The following SORL1 variants were observed in gnomAD, a reference collection of about 807,000 sequenced individuals.
The protein encoded by SORL1 is sortilin-related receptor.
SORL1 carries 127 observed loss-of-function variants against 273.7 expected under a neutral mutation model. That is an observed-to-expected ratio of 0.46 (90% CI 0.40 to 0.54). The LOEUF is 0.54. SORL1 is among the 20% of genes least tolerant of loss of function. The pLI, the probability that SORL1 is intolerant of heterozygous loss-of-function variation, is 0.00. For missense variants in SORL1, 2,494 were observed against 2,846.1 expected, an observed-to-expected ratio of 0.88 and a Z score of 2.81; for synonymous variants, 1,031 against 1,067.4, an observed-to-expected ratio of 0.97 and a Z score of 0.66.
chr11:121,595,864 CCT>C lies in SORL1; in HGVS notation c.4519+93_4519+94del. 2 of 1,388,374 alleles carry C rather than the reference CCT, an allele frequency of 1.4e-6. No homozygotes were observed. The highest frequency in any genetic ancestry group is 2.0e-6 in the Non-Finnish European group (2 of 1,014,040). 86.0% of individuals were successfully genotyped at this position (1,388,374 alleles called of 1,614,324 possible). On this transcript the variant is annotated intron_variant, in intron 32 of 47. Transcript: ENST00000260197. This position sits in a 1 kb window ranked among gnomAD's most constrained non-coding sequence, Gnocchi z 5.1. ...TGCTTCATTTCTGGATCAGCACACG[CCT>C]GTGTGTGAGTCTGTGTACTTGCGTA...
intron 28 of SORL1, among the ~76,000 whole-genome samples, chr11:121,588,497 C>T (rs888894473): frequency 3.3e-5 from 5 of 152,140 alleles, no homozygotes; most frequent in African/African-American, 1.2e-4. Flanking sequence ...GCACTCCCAG[C>T]GTGCCGTAGC....
At position 121,584,689 on chromosome 11, in the gene SORL1, G is replaced by A. The variant is rs138186162; in HGVS notation, c.3706+1106G>A. On this transcript the variant is annotated intron_variant, in intron 26 of 47. Transcript: ENST00000260197. ...TCACTGCAGCTTTGACCTCCTGGGCGCAAGGCATCTTCCTACTTCAGCCTC... is the reference window on the plus strand; with the variant it reads ...TCACTGCAGCTTTGACCTCCTGGGCACAAGGCATCTTCCTACTTCAGCCTC... Among the ~76,000 whole-genome samples the A allele has an allele frequency of 6.6e-5, 10 of 152,022 alleles. No homozygotes were observed. In the East Asian group the frequency reaches 1.2e-3, roughly 18 times the overall value.
Position 121,630,290 on chromosome 11 carries a change from T to C in SORL1, c.*727T>C, listed in dbSNP as rs1291078935. The C allele has an allele frequency of 6.6e-6, 1 of 152,214 alleles. No individual in the cohort carries two copies. Among genetic ancestry groups the C allele is most frequent in the Non-Finnish European group, 1.5e-5 (1 of 68,048 alleles). 9.4% of individuals were successfully genotyped at this position (152,214 alleles called of 1,614,324 possible). ...TGGGAAGCCCTGTAAGCCCACAGCTTCCTCTCTTATATTAATTGATGGAAT... is the reference window on the plus strand; with the variant it reads ...TGGGAAGCCCTGTAAGCCCACAGCTCCCTCTCTTATATTAATTGATGGAAT... On this transcript the variant is annotated 3_prime_UTR_variant, in exon 48 of 48. Coordinates refer to ENST00000260197, the MANE Select transcript of SORL1 (RefSeq NM_003105.6).
At chr11:121,619,070 C>T (rs961522048) in intron 42 of SORL1, among the ~76,000 whole-genome samples, 177 bp downstream of exon 42, 7 of 152,152 alleles carry the variant, frequency 4.6e-5, no homozygotes, top group South Asian at 2.1e-4. Flanking sequence ...ACAGAATGAA[C>T]GGCCACTTTC....
At chr11:121,505,258 T>A (rs956943079) in intron 6 of SORL1, among the ~76,000 whole-genome samples, 2 of 152,054 alleles carry the variant, frequency 1.3e-5, no homozygotes, top group South Asian at 4.1e-4. Context: ...TTCACACTAA[T>A]CTTTTTTTTA....
In SORL1 at chr11:121,563,483, C is replaced by T. The variant is rs951493041; in HGVS notation, c.3050-3457C>T. Among the ~76,000 whole-genome samples, 4 of 152,180 alleles carry T rather than the reference C, an allele frequency of 2.6e-5. No homozygotes were observed. The highest frequency in any genetic ancestry group is 4.4e-5 in the Non-Finnish European group (3 of 68,032). Reference sequence around the variant, plus strand: ...TGATCTTGGCTCACTGCAACCTCTGCCTCCTGGGTTCAAGCAATTCTCATG... The same window carrying T: ...TGATCTTGGCTCACTGCAACCTCTGTCTCCTGGGTTCAAGCAATTCTCATG... On this transcript the variant is annotated intron_variant, in intron 21 of 47. Coordinates refer to ENST00000260197, the MANE Select transcript of SORL1 (RefSeq NM_003105.6). The surrounding 1 kb of genome is among the most constrained non-coding windows in gnomAD (Gnocchi z 4.2).
rs1213669903 is a variant in SORL1 at position 121,558,728 on chromosome 11, A to T, written c.2801A>T (p.Tyr934Phe). 6.2e-7 allele frequency: 1 copy of T among 1,614,152 alleles called. No homozygotes were observed. The highest frequency in any genetic ancestry group is 8.5e-7 in the Non-Finnish European group (1 of 1,180,018). The change falls in exon 20 of 48, where the codon TAC becomes TTC. Residue 934 changes from tyrosine (Y) to phenylalanine (F), a missense_variant. Tyr to Phe is a conservative substitution (Grantham distance 22, BLOSUM62 3). Transcript: ENST00000260197. ...ATCTCTGTGGACGACCAGTGGATTT[A>T]CTGGACGGATGCCTACCTGGAGTGC... ...NGISVDDQWIYWTDAYLECIE... is the reference protein window; with the variant it reads ...NGISVDDQWIFWTDAYLECIE...
chr11:121,576,730 G>T (rs537607527), intron 24 of SORL1: 13 of 1,448,376 alleles, frequency 9.0e-6, no homozygotes, highest in African/African-American at 8.5e-5. Context: ...TAGAGACAGC[G>T]CATCCACCCG....
At chr11:121,599,412 C>T (rs1863352260) in intron 32 of SORL1, among the ~76,000 whole-genome samples, 1 of 152,144 alleles carries the variant, frequency 6.6e-6, no homozygotes, top group African/African-American at 2.4e-5. Flanking sequence ...GGCATGGCGG[C>T]GCATGCCTGT....
intron 6 of SORL1, among the ~76,000 whole-genome samples, chr11:121,502,854 G>A (rs909080994): frequency 5.3e-5 from 8 of 151,594 alleles, no homozygotes; most frequent in African/African-American, 1.9e-4. Context: ...TTCTTTTTCA[G>A]CACTGAAGTT....
intron 3 of SORL1, among the ~76,000 whole-genome samples, chr11:121,481,645 A>T (rs1158940667): frequency 9.3e-6 from 1 of 107,450 alleles, no homozygotes; most frequent in Non-Finnish European, 1.8e-5. Context: ...CCCCTAGTGC[A>T]CAGATACCTA....
chr11:121,490,009 A>G lies in SORL1; in HGVS notation c.691-34A>G, dbSNP rs144163863. The G allele has an allele frequency of 2.3e-4, 354 of 1,544,292 alleles. 2 individuals are homozygous for G. The East Asian group carries it at 6.3e-3, about 27-fold the overall frequency. ...TGATGCCATTCAGGTTGTATTATAC[A>G]TGCCTCTTGCATCATGACCACTTGT... On this transcript the variant is annotated intron_variant, in intron 4 of 47. Coordinates refer to ENST00000260197, the MANE Select transcript of SORL1 (RefSeq NM_003105.6).
intron 22 of SORL1, among the ~76,000 whole-genome samples, chr11:121,567,582 A>G (rs1862772589): frequency 6.6e-6 from 1 of 152,218 alleles, no homozygotes; most frequent in Non-Finnish European, 1.5e-5. Context: ...AGCCTAGCCC[A>G]GTGTGTCCTG....
rs144369958 is a variant in SORL1, at chr11:121,555,388, A to G, written c.2571+70A>G. The G allele has an allele frequency of 7.9e-4, 1,240 of 1,578,958 alleles. 4 individuals are homozygous for G. In the African/African-American group the frequency reaches 0.015, roughly 19 times the overall value. Reference sequence around the variant, plus strand: ...GCACCTGGGCTTTGAGCCACATTTGACACAGAGGCAAGGGCCAGTGTGTCA... The same window carrying G: ...GCACCTGGGCTTTGAGCCACATTTGGCACAGAGGCAAGGGCCAGTGTGTCA... On this transcript the variant is annotated intron_variant, in intron 18 of 47. Coordinates refer to ENST00000260197, the MANE Select transcript of SORL1 (RefSeq NM_003105.6).
intron 14 of SORL1, chr11:121,546,747 T>C (rs1387493670): frequency 1.3e-5 from 2 of 152,238 alleles, no homozygotes; most frequent in African/African-American, 2.4e-5. Flanking sequence ...TCTAGAGGAA[T>C]GAACGTGGCT....
chr11:121,573,438 C>T (rs1241408491), intron 23 of SORL1, among the ~76,000 whole-genome samples: 1 of 152,088 alleles, frequency 6.6e-6, no homozygotes, highest in Non-Finnish European at 1.5e-5. Flanking sequence ...ATGGCAAAAC[C>T]CCATCTGTAC....
intron 1 of SORL1, among the ~76,000 whole-genome samples, chr11:121,467,856 T>A (rs1473583991): frequency 6.6e-6 from 1 of 152,234 alleles, no homozygotes; most frequent in Non-Finnish European, 1.5e-5. Context: ...GACTTCTCTA[T>A]CTGGGAATGA....
chr11:121,552,614 G>GA (rs1423247879), intron 16 of SORL1, among the ~76,000 whole-genome samples: 1 of 152,232 alleles, frequency 6.6e-6, no homozygotes, highest in Admixed American at 6.5e-5. Flanking sequence ...ACCAAAAGGG[G>GA]AGGTAGGTTA....
At chr11:121,583,690 T>C in intron 26 of SORL1, 107 bp downstream of exon 26, 1 of 1,261,338 alleles carries the variant, frequency 7.9e-7, no homozygotes, top group Non-Finnish European at 1.1e-6. Flanking sequence ...CCTATGCCTG[T>C]ATTTACACTC....
Sources: allele counts gnomAD v4.1 joint callset (sites outside exome capture counted in the v4.1 genomes callset), GRCh38; gene constraint gnomAD v4.1.1; non-coding constraint Gnocchi (gnomAD v3.1); transcripts MANE v1.5; gene names NCBI Gene and HGNC (gene_info 2026-07-23, HGNC 2026-07-21).